KYNU: variants seen among roughly 807,000 people sequenced by gnomAD.
The protein encoded by KYNU is kynureninase, also known as L-kynurenine hydrolase.
Under a neutral mutation model 59.2 loss-of-function variants are expected in KYNU, and 54 were observed. The observed-to-expected ratio is 0.91, with a 90% CI of 0.73 to 1.14. The LOEUF is 1.14. Among genes scored for constraint, KYNU ranks in the 50% most tolerant of loss-of-function variants. The pLI, the probability that KYNU is intolerant of heterozygous loss-of-function variation, is 0.00. For synonymous variants in KYNU, 177 were observed against 192.0 expected, an observed-to-expected ratio of 0.92 and a Z score of 0.65; for missense variants, 567 against 554.4, an observed-to-expected ratio of 1.02 and a Z score of -0.23.
intron 3 of KYNU, 104 bp downstream of exon 3, chr2:142,918,833 A>G (rs1046155530): frequency 1.8e-5 from 24 of 1,309,724 alleles, no homozygotes; most frequent in Non-Finnish European, 2.6e-5. Flanking sequence ...GAATCCTAGT[A>G]CAGTCATCCC....
chr2:142,932,667 G>A (rs756713850), intron 4 of KYNU, among the ~76,000 whole-genome samples: 18 of 151,226 alleles, frequency 1.2e-4, no homozygotes, highest in South Asian at 2.1e-4. Flanking sequence ...TTTGTTGTCC[G>A]GCTGTCAGTG....
intron 4 of KYNU, among the ~76,000 whole-genome samples, chr2:142,951,656 G>A (rs894328489): frequency 6.6e-6 from 1 of 152,156 alleles, no homozygotes; most frequent in Non-Finnish European, 1.5e-5. Context: ...TTCTGTTAAT[G>A]TTTTGAAACT....
At chr2:142,923,591 A>G (rs1291700077) in intron 3 of KYNU, among the ~76,000 whole-genome samples, 2 of 152,248 alleles carry the variant, frequency 1.3e-5, no homozygotes, top group Non-Finnish European at 1.5e-5. Flanking sequence ...TTAATGAAGA[A>G]TAACATTGGT....
intron 2 of KYNU, 86 bp from the exon 3 acceptor site, chr2:142,918,523 G>A: frequency 7.5e-7 from 1 of 1,328,950 alleles, no homozygotes; most frequent in Non-Finnish European, 1.0e-6. Context: ...AGAGTTGATT[G>A]TATTAATTAT....
At position 143,040,713 on chromosome 2, in the gene KYNU, T is replaced by C. The variant is rs578166083; in HGVS notation, c.1272+55T>C. 6.3e-5 allele frequency: 72 copies of C among 1,137,904 alleles called. 1 individual carries two copies. The highest frequency in any genetic ancestry group is 8.8e-5 in the Non-Finnish European group (69 of 785,708). 70.5% of individuals were successfully genotyped at this position (1,137,904 alleles called of 1,614,324 possible). A position where few individuals can be genotyped will look rare whatever the true frequency, so the allele number is the denominator to read the frequency against. On this transcript the variant is annotated intron_variant, in intron 13 of 13. Transcript: ENST00000264170. ...TTGTCTATGGGCCGCATGTTAGGGA[T>C]AAAATTTGGACTCTTTGGTTTATTC...
intron 10 of KYNU, among the ~76,000 whole-genome samples, chr2:142,996,860 TC>T (rs1685561890): frequency 6.6e-6 from 1 of 152,184 alleles, no homozygotes; most frequent in South Asian, 2.1e-4. Flanking sequence ...CCCAGTGATC[TC>T]TGGAAGATTC....
chr2:142,996,841 T>C (rs2063541516), intron 10 of KYNU, among the ~76,000 whole-genome samples: 1 of 152,100 alleles, frequency 6.6e-6, no homozygotes, highest in South Asian at 2.1e-4. Context: ...GTGGAAAAAA[T>C]AAATAGACCC....
chr2:142,943,010 C>A (rs1477956908), intron 4 of KYNU, among the ~76,000 whole-genome samples: 1 of 152,194 alleles, frequency 6.6e-6, no homozygotes, highest in African/African-American at 2.4e-5. Context: ...TCTTAATGTA[C>A]ATGCTTGAGC....
intron 4 of KYNU, among the ~76,000 whole-genome samples, chr2:142,931,065 TTCAGGGTTACGTG>T (rs1457062169): frequency 6.6e-6 from 1 of 152,198 alleles, no homozygotes; most frequent in Non-Finnish European, 1.5e-5. Context: ...TTTCTCGATC[TTCAGGGTTACGTG>T]TCTTCCGGCC....
At chr2:142,956,448 T>C (rs1684169140) in intron 6 of KYNU, among the ~76,000 whole-genome samples, 174 bp downstream of exon 6, 1 of 152,174 alleles carries the variant, frequency 6.6e-6, no homozygotes, top group Non-Finnish European at 1.5e-5. Flanking sequence ...ATTTCTTTTG[T>C]TAAAGTAAAA....
At chr2:142,992,245 T>C (rs1337625058) in intron 10 of KYNU, among the ~76,000 whole-genome samples, 1 of 151,670 alleles carries the variant, frequency 6.6e-6, no homozygotes, top group Non-Finnish European at 1.5e-5. Context: ...CAAAAGGAAA[T>C]AACTGGAATA....
At chr2:143,029,567 C>T in intron 10 of KYNU, 60 bp from the exon 11 acceptor site, 1 of 1,028,646 alleles carries the variant, frequency 9.7e-7, no homozygotes, top group East Asian at 2.4e-5. Flanking sequence ...GCCTAGGCAG[C>T]AGAGCAAGAC....
intron 2 of KYNU, among the ~76,000 whole-genome samples, chr2:142,898,561 G>C (rs539994401): frequency 1.3e-5 from 2 of 152,186 alleles, no homozygotes; most frequent in South Asian, 2.1e-4. Flanking sequence ...GTACAAACTA[G>C]TTTTTCCTTC....
At chr2:142,884,694 T>C (rs888256775) in intron 1 of KYNU, among the ~76,000 whole-genome samples, 1 of 112,108 alleles carries the variant, frequency 8.9e-6, no homozygotes, top group Non-Finnish European at 1.7e-5. Flanking sequence ...TTTCCTTTTT[T>C]TTTTTTTTTT....
chr2:143,012,023 C>T (rs1465408895), intron 10 of KYNU, among the ~76,000 whole-genome samples: 4 of 148,188 alleles, frequency 2.7e-5, no homozygotes, highest in Admixed American at 6.7e-5. Context: ...TGTAACTAAC[C>T]TGCACAATGT....
rs1227959753 is a variant in KYNU at position 142,973,423 on chromosome 2, T to C, written c.730-11661T>C. ...CCTACTCTTTCCAATTACCCTCATA[T>C]AGGGAAGCCCCAATACACTGGCCCC... On this transcript the variant is annotated intron_variant, in intron 8 of 13. Transcript: ENST00000264170. 5.9e-5 allele frequency among the ~76,000 whole-genome samples: 9 copies of C among 152,270 alleles called. 1 individual carries two copies. In the South Asian group the frequency reaches 1.9e-3, roughly 32 times the overall value.
At chr2:142,884,013 T>A (rs1681402134) in intron 1 of KYNU, among the ~76,000 whole-genome samples, 1 of 152,222 alleles carries the variant, frequency 6.6e-6, no homozygotes, top group South Asian at 2.1e-4. Context: ...TGTAATATCA[T>A]TTTGTTCAAA....
intron 10 of KYNU, among the ~76,000 whole-genome samples, chr2:143,017,006 G>C (rs58173025): frequency 0.11 from 16,537 of 152,166 alleles, 995 homozygotes; most frequent in East Asian, 0.25. Flanking sequence ...GCGATATTTG[G>C]TTTTCTGTTG....
chr2:142,971,412 G>A (rs2105125243), intron 8 of KYNU: 1 of 152,186 alleles, frequency 6.6e-6, no homozygotes, highest in East Asian at 1.9e-4. Flanking sequence ...TTGCTTGACT[G>A]ACTCTTGTAG....
Sources: gnomAD v4.1 joint callset for allele counts (sites outside exome capture counted in the v4.1 genomes callset) on GRCh38, gnomAD v4.1.1 for gene constraint, MANE v1.5 for transcripts, NCBI Gene and HGNC (gene_info 2026-07-23, HGNC 2026-07-21) for gene names.